Variants in PDE7A observed in about 807,000 individuals in gnomAD.
The protein encoded by PDE7A is high affinity 3',5'-cyclic-AMP phosphodiesterase 7A.
In PDE7A, 39 loss-of-function variants were observed where a neutral mutation model predicts 64.3. The observed-to-expected ratio is 0.61, with a 90% CI of 0.47 to 0.79. The LOEUF is 0.79. PDE7A is among the 30% of genes least tolerant of loss of function. The pLI, the probability that PDE7A is intolerant of heterozygous loss-of-function variation, is 0.00. For missense variants in PDE7A, 470 were observed against 582.8 expected (o/e 0.81, Z 1.99); for synonymous variants, 203 against 206.8 (o/e 0.98, Z 0.16).
intron 3 of PDE7A, among the ~76,000 whole-genome samples, chr8:65,764,145 A>AATAGAAAAGAGATAGGAGCATGGGTG (rs1808650216): frequency 6.6e-6 from 1 of 152,234 alleles, no homozygotes; most frequent in Non-Finnish European, 1.5e-5. Context: ...AAGGAATTAC[A>AATAGAAAAGAGATAGGAGCATGGGTG]ATAGAAAAGA....
rs536393989 is a variant in PDE7A at position 65,731,408 on chromosome 8, C to T, written c.696+3386G>A. Among the ~76,000 whole-genome samples the T allele has an allele frequency of 2.0e-5, 3 of 152,208 alleles. No homozygotes were observed. The East Asian group carries it at 5.8e-4, about 29-fold the overall frequency. ...TGCTAGAGTGGGTTTATCTCTGGGA[C>T]ATGTAAGCGTAATTCTTATCCAGAC... On this transcript the variant is annotated intron_variant, in intron 7 of 12. Coordinates refer to ENST00000401827, the MANE Select transcript of PDE7A (RefSeq NM_001242318.3).
chr8:65,768,482 A>C (rs897249014), intron 3 of PDE7A, among the ~76,000 whole-genome samples: 8 of 152,208 alleles, frequency 5.3e-5, no homozygotes, highest in African/African-American at 1.9e-4. Context: ...GTCTGCTGCC[A>C]TGTGAGATGT....
chr8:65,735,617 GC>G (rs774869846), intron 6 of PDE7A, among the ~76,000 whole-genome samples: 1 of 151,794 alleles, frequency 6.6e-6, no homozygotes, highest in Non-Finnish European at 1.5e-5. Flanking sequence ...CACCTAATAA[GC>G]TATTTTTGTA....
intron 6 of PDE7A, among the ~76,000 whole-genome samples, chr8:65,738,479 G>T (rs1255434845): frequency 6.6e-6 from 1 of 152,188 alleles, no homozygotes; most frequent in Admixed American, 6.5e-5. Context: ...CCTTCCTCAG[G>T]TAGAACCAAC....
intron 3 of PDE7A, among the ~76,000 whole-genome samples, chr8:65,759,431 C>T (rs773898016): frequency 5.9e-5 from 9 of 152,028 alleles, no homozygotes; most frequent in Non-Finnish European, 8.8e-5. Flanking sequence ...ACCCTGGCTT[C>T]AGCCAGATAC....
intron 7 of PDE7A, among the ~76,000 whole-genome samples, chr8:65,733,825 G>A (rs1807009251): frequency 6.6e-6 from 1 of 152,048 alleles, no homozygotes; most frequent in Non-Finnish European, 1.5e-5. Flanking sequence ...TTCTTAAGTT[G>A]GCATCAATGG....
intron 3 of PDE7A, among the ~76,000 whole-genome samples, chr8:65,764,331 A>G (rs1018028050): frequency 1.3e-5 from 2 of 152,228 alleles, no homozygotes; most frequent in African/African-American, 4.8e-5. Context: ...GACAAATAAG[A>G]TCTTAGTCTA....
intron 3 of PDE7A, among the ~76,000 whole-genome samples, chr8:65,751,936 C>G (rs970772804): frequency 6.6e-6 from 1 of 152,114 alleles, no homozygotes; most frequent in Non-Finnish European, 1.5e-5. Context: ...GCATAGACAC[C>G]TTCCCTGTTC....
Position 65,724,184 on chromosome 8 carries a change from T to C in PDE7A, c.1162+71A>G, listed in dbSNP as rs904183122. 5 of 921,438 alleles carry C rather than the reference T, an allele frequency of 5.4e-6. No homozygotes were observed. The African/African-American group carries it at 8.2e-5, about 15-fold the overall frequency. 57.1% of individuals were successfully genotyped at this position (921,438 alleles called of 1,614,324 possible). A position where few individuals can be genotyped will look rare whatever the true frequency, so the allele number is the denominator to read the frequency against. On this transcript the variant is annotated intron_variant, in intron 11 of 12. Coordinates refer to ENST00000401827, the MANE Select transcript of PDE7A (RefSeq NM_001242318.3). The stretch of plus-strand genomic sequence containing the variant: ...TGCTAGACCCATATAAATTATTGAG[T>C]TATTTTATTCTTACGATGTTAAAAA...
chr8:65,835,476 T>C (rs551207108), intron 1 of PDE7A, among the ~76,000 whole-genome samples: 1 of 152,222 alleles, frequency 6.6e-6, no homozygotes. Context: ...TAGACAAAAA[T>C]GAGACAGAAC....
intron 1 of PDE7A, among the ~76,000 whole-genome samples, chr8:65,796,413 A>G (rs1469680713): frequency 6.6e-6 from 1 of 152,162 alleles, no homozygotes; most frequent in Non-Finnish European, 1.5e-5. Context: ...ATAAAACCAT[A>G]GACTAATATC....
At chr8:65,823,536 G>T (rs1810593377) in intron 1 of PDE7A, among the ~76,000 whole-genome samples, 3 of 152,058 alleles carry the variant, frequency 2.0e-5, no homozygotes, top group African/African-American at 4.8e-5. Flanking sequence ...GATTTAGGGG[G>T]AGATTATGTG....
chr8:65,822,809 T>A (rs974031497), intron 1 of PDE7A, among the ~76,000 whole-genome samples: 4 of 152,164 alleles, frequency 2.6e-5, no homozygotes, highest in African/African-American at 9.7e-5. Flanking sequence ...TTTGAAGTGT[T>A]ACAAACATTT....
chr8:65,808,856 C>T (rs1270007368), intron 1 of PDE7A, among the ~76,000 whole-genome samples: 2 of 152,042 alleles, frequency 1.3e-5, no homozygotes, highest in Admixed American at 6.6e-5. Flanking sequence ...TTCTTTGTTG[C>T]TATTTATAAT....
intron 3 of PDE7A, among the ~76,000 whole-genome samples, chr8:65,763,523 C>G (rs1808613875): frequency 6.6e-6 from 1 of 152,050 alleles, no homozygotes; most frequent in South Asian, 2.1e-4. Flanking sequence ...CGAGATCATG[C>G]CATTGCACTA....
At chr8:65,752,771 C>T (rs1808027101) in intron 3 of PDE7A, among the ~76,000 whole-genome samples, 1 of 152,168 alleles carries the variant, frequency 6.6e-6, no homozygotes, top group Non-Finnish European at 1.5e-5. Context: ...AAATCAGACA[C>T]TCTAAACTGT....
intron 3 of PDE7A, among the ~76,000 whole-genome samples, chr8:65,772,892 C>T (rs1047923029): frequency 6.6e-6 from 1 of 152,080 alleles, no homozygotes; most frequent in Admixed American, 6.5e-5. Flanking sequence ...CCTGTAATCC[C>T]AGCTACTTGG....
intron 1 of PDE7A, among the ~76,000 whole-genome samples, chr8:65,827,435 AAT>A (rs1347149927): frequency 2.0e-5 from 3 of 152,230 alleles, no homozygotes; most frequent in Non-Finnish European, 4.4e-5. Context: ...AGTAAATTTA[AAT>A]ATAACAGAAA....
chr8:65,837,984 A>C (rs1217280459), intron 1 of PDE7A, among the ~76,000 whole-genome samples: 5 of 151,990 alleles, frequency 3.3e-5, no homozygotes, highest in Admixed American at 3.3e-4. Context: ...AAGGAGCCTC[A>C]CTCACAAGAA....
Sources: allele counts gnomAD v4.1 joint callset (sites outside exome capture counted in the v4.1 genomes callset), GRCh38; gene constraint gnomAD v4.1.1; transcripts MANE v1.5; gene names NCBI Gene and HGNC (gene_info 2026-07-23, HGNC 2026-07-21).